The following PPIG variants were observed in gnomAD, a reference collection of about 807,000 sequenced individuals.
PPIG encodes the protein peptidylprolyl isomerase G.
PPIG carries 26 observed loss-of-function variants against 87.9 expected under a neutral mutation model. That is an observed-to-expected ratio of 0.30 (90% CI 0.22 to 0.41). The LOEUF (loss-of-function observed/expected upper bound fraction) is 0.41. Among genes scored for constraint, PPIG ranks in the 10% least tolerant of loss-of-function variants. The pLI is 1.00. For synonymous variants in PPIG, 308 were observed against 276.5 expected, an observed-to-expected ratio of 1.11 and a Z score of -1.13; for missense variants, 722 against 879.4, an observed-to-expected ratio of 0.82 and a Z score of 2.26.
chr2:169,603,992 A>T, intron 2 of PPIG, 34 bp from the exon 3 acceptor site: 1 of 1,519,528 alleles, frequency 6.6e-7, no homozygotes, highest in Non-Finnish European at 9.1e-7. Flanking sequence ...TTGCTATTTT[A>T]GTCTGCTTGT....
rs932106005 is a variant in PPIG at position 169,638,028 on chromosome 2, T to A, written c.*505T>A. 1 of 152,294 alleles carries A rather than the reference T, an allele frequency of 6.6e-6. No individual in the cohort carries two copies. The highest frequency in any genetic ancestry group is 1.5e-5 in the Non-Finnish European group (1 of 68,110). The allele number at this position is 152,294 out of a possible 1,614,324, so 9.4% of individuals were successfully genotyped here. On this transcript the variant is annotated 3_prime_UTR_variant, in exon 14 of 14. Transcript: ENST00000260970. ...ACCTGAGATCTTAAATCATCACTTT[T>A]GATTTTATAGTAATTTGTGCTTTAA...
chr2:169,613,582 T>C (rs561507996), intron 7 of PPIG, among the ~76,000 whole-genome samples: 6 of 152,184 alleles, frequency 3.9e-5, no homozygotes, highest in Middle Eastern at 3.2e-3. Context: ...AAAATGCTTA[T>C]TTTAATTTTT....
At chr2:169,597,623 G>T (rs1047527029) in intron 1 of PPIG, among the ~76,000 whole-genome samples, 5 of 150,698 alleles carry the variant, frequency 3.3e-5, no homozygotes, top group Non-Finnish European at 7.4e-5. Context: ...TCAACCTCCC[G>T]AGTAGCTGGG....
At chr2:169,626,496 G>T (rs1192912189) in intron 9 of PPIG, among the ~76,000 whole-genome samples, 1 of 150,086 alleles carries the variant, frequency 6.7e-6, no homozygotes, top group African/African-American at 2.5e-5. Flanking sequence ...CAGTTCAAGA[G>T]ATTCTCTGCC....
At chr2:169,623,010 C>T (rs1685798108) in intron 9 of PPIG, among the ~76,000 whole-genome samples, 1 of 152,046 alleles carries the variant, frequency 6.6e-6, no homozygotes, top group Non-Finnish European at 1.5e-5. Context: ...TATATGTGTT[C>T]TTGGGGAGTC....
intron 9 of PPIG, among the ~76,000 whole-genome samples, chr2:169,629,710 T>C (rs2105517157): frequency 6.6e-6 from 1 of 152,310 alleles, no homozygotes; most frequent in Admixed American, 6.5e-5. Flanking sequence ...TGTCTCTGTG[T>C]TTTGCAGCAG....
rs552334932 is a variant in PPIG at position 169,601,438 on chromosome 2, TAGC to T, written c.-69-2202_-69-2200del. Among the ~76,000 whole-genome samples, 66 of 152,200 alleles carry T rather than the reference TAGC, an allele frequency of 4.3e-4. 2 individuals are homozygous for T. Among genetic ancestry groups the T allele is most frequent in the Non-Finnish European group, 3.4e-4 (23 of 68,032 alleles). ...ATGGATATAAAAATTGAATATCAAT[TAGC>T]AATAAATGCTTGGAAGAAAAATAAA... On this transcript the variant is annotated intron_variant, in intron 1 of 13. Coordinates refer to ENST00000260970, the MANE Select transcript of PPIG (RefSeq NM_004792.3).
intron 9 of PPIG, among the ~76,000 whole-genome samples, chr2:169,615,502 ATTC>A (rs1236999443): frequency 6.6e-6 from 1 of 152,222 alleles, no homozygotes; most frequent in Non-Finnish European, 1.5e-5. Context: ...GGGAACCACC[ATTC>A]TTCTCTGTAC....
Position 169,622,487 on chromosome 2 carries a change from T to C in PPIG, c.547+7763T>C, listed in dbSNP as rs570071603. ...TGCCCATGCCATTGGGGCCAGGAAG[T>C]TGTGCTAAAAGTTGATGTAACATCC... On this transcript the variant is annotated intron_variant, in intron 9 of 13. Coordinates refer to ENST00000260970, the MANE Select transcript of PPIG (RefSeq NM_004792.3). Among the ~76,000 whole-genome samples, 3 of 152,336 alleles carry C rather than the reference T, an allele frequency of 2.0e-5. No individual in the cohort carries two copies. In the South Asian group the frequency reaches 6.2e-4, roughly 32 times the overall value.
chr2:169,595,506 T>C (rs1684992718), intron 1 of PPIG, among the ~76,000 whole-genome samples: 1 of 152,198 alleles, frequency 6.6e-6, no homozygotes, highest in South Asian at 2.1e-4. Context: ...CTAGGTTTTA[T>C]TGATTCTTAA....
intron 1 of PPIG, among the ~76,000 whole-genome samples, chr2:169,588,852 C>T (rs560935284): frequency 2.0e-5 from 3 of 149,300 alleles, no homozygotes; most frequent in Admixed American, 6.8e-5. Flanking sequence ...CCCAGCTACT[C>T]GGAGGCTGAG....
At chr2:169,614,989 A>AC in intron 9 of PPIG, among the ~76,000 whole-genome samples, 2 of 151,554 alleles carry the variant, frequency 1.3e-5, no homozygotes, top group East Asian at 3.9e-4. Context: ...TCACATAATT[A>AC]CCCCTTTTTG....
At chr2:169,589,014 G>C (rs532180570) in intron 1 of PPIG, among the ~76,000 whole-genome samples, 5 of 148,220 alleles carry the variant, frequency 3.4e-5, no homozygotes, top group African/African-American at 1.2e-4. Flanking sequence ...AACATTAAGA[G>C]TATTAGCCGT....
At chr2:169,602,333 ATTGT>A (rs566628575) in intron 1 of PPIG, among the ~76,000 whole-genome samples, 199 of 151,958 alleles carry the variant, frequency 1.3e-3, no homozygotes, top group African/African-American at 4.7e-3. Flanking sequence ...TTTTTGTTTG[ATTGT>A]TTGAGTCTCG....
chr2:169,626,244 ATTG>A (rs1685884523), intron 9 of PPIG, among the ~76,000 whole-genome samples: 1 of 152,184 alleles, frequency 6.6e-6, no homozygotes, highest in African/African-American at 2.4e-5. Context: ...CAATATTGAT[ATTG>A]TGATATCTCC....
intron 1 of PPIG, among the ~76,000 whole-genome samples, chr2:169,590,136 A>C (rs12469419): frequency 0.15 from 23,181 of 151,508 alleles, 1,914 homozygotes; most frequent in South Asian, 0.26. Context: ...AACCAAAAAA[A>C]AAAAAGAAAA....
intron 1 of PPIG, among the ~76,000 whole-genome samples, chr2:169,591,787 T>TC: frequency 6.6e-6 from 1 of 151,182 alleles, no homozygotes; most frequent in Non-Finnish European, 1.5e-5. Context: ...TGTGATTTTT[T>TC]TTTTTCCAAG....
intron 1 of PPIG, among the ~76,000 whole-genome samples, chr2:169,596,941 A>T (rs769707833): frequency 1.3e-5 from 2 of 152,142 alleles, no homozygotes; most frequent in Non-Finnish European, 2.9e-5. Context: ...ACCTCAGGTA[A>T]TCTGCCCACC....
chr2:169,622,354 G>A (rs1489544986), intron 9 of PPIG, among the ~76,000 whole-genome samples: 2 of 152,160 alleles, frequency 1.3e-5, no homozygotes, highest in African/African-American at 4.8e-5. Flanking sequence ...GTACTAAAAG[G>A]GCAGTACTTG....
Sources: gnomAD v4.1 joint callset for allele counts (sites outside exome capture counted in the v4.1 genomes callset) on GRCh38, gnomAD v4.1.1 for gene constraint, MANE v1.5 for transcripts, NCBI Gene and HGNC (gene_info 2026-07-23, HGNC 2026-07-21) for gene names.